Variants in ARHGAP26 observed in about 807,000 individuals in gnomAD.
ARHGAP26 encodes the protein Rho GTPase activating protein 26, also known as rho GTPase-activating protein 26.
A neutral mutation model predicts 104.8 loss-of-function variants in ARHGAP26; 38 were observed. That is an observed-to-expected ratio of 0.36 (90% CI 0.28 to 0.48). The LOEUF (loss-of-function observed/expected upper bound fraction) is 0.48, where lower values mean the gene tolerates loss of function less well. ARHGAP26 is among the 20% of genes least tolerant of loss of function. The pLI is 0.99. For synonymous variants in ARHGAP26, 341 were observed against 340.0 expected, an observed-to-expected ratio of 1.00 and a Z score of -0.03; for missense variants, 704 against 947.9, an observed-to-expected ratio of 0.74 and a Z score of 3.38.
chr5:142,775,218 C>T (rs1015064091), intron 1 of ARHGAP26, among the ~76,000 whole-genome samples: 1 of 152,060 alleles, frequency 6.6e-6, no homozygotes, highest in Non-Finnish European at 1.5e-5. Context: ...TGCATTCTCA[C>T]CAGCAATGAA....
intron 1 of ARHGAP26, among the ~76,000 whole-genome samples, chr5:142,826,823 C>CT (rs1260807591): frequency 5.3e-5 from 8 of 152,222 alleles, no homozygotes; most frequent in Non-Finnish European, 1.2e-4. Flanking sequence ...GACTTGAAAA[C>CT]TTTTAAATAC....
chr5:143,113,234 T>C lies in ARHGAP26; in HGVS notation c.1539-7754T>C, dbSNP rs143850414. On this transcript the variant is annotated intron_variant, in intron 17 of 22. Coordinates refer to ENST00000645722, the MANE Select transcript of ARHGAP26 (RefSeq NM_001135608.3). ...GTCTTTTTTTAAGACAAATCCTTTT[T>C]CCTTTTCTCTAAACAATTTTCAGTA... 1.8e-3 allele frequency among the ~76,000 whole-genome samples: 281 copies of C among 152,332 alleles called. 2 individuals are homozygous for C. Among genetic ancestry groups the C allele is most frequent in the Middle Eastern group, 6.8e-3 (2 of 294 alleles).
At chr5:143,012,423 A>G (rs920970525) in intron 11 of ARHGAP26, among the ~76,000 whole-genome samples, 3 of 148,642 alleles carry the variant, frequency 2.0e-5, no homozygotes, top group Admixed American at 6.9e-5. Flanking sequence ...TTAAGTGAAA[A>G]ATCCCTTTCT....
intron 11 of ARHGAP26, among the ~76,000 whole-genome samples, chr5:142,939,664 A>G (rs1292462143): frequency 6.6e-6 from 1 of 152,230 alleles, no homozygotes; most frequent in African/African-American, 2.4e-5. Context: ...GCAGAATGTT[A>G]TGGTGGTTAA....
At chr5:143,105,741 G>A (rs957114802) in intron 17 of ARHGAP26, among the ~76,000 whole-genome samples, 2 of 152,188 alleles carry the variant, frequency 1.3e-5, no homozygotes, top group Non-Finnish European at 2.9e-5. Context: ...ACCAAGGTTC[G>A]TGGCTGTAGG....
chr5:143,012,005 A>G (rs1778823019), intron 11 of ARHGAP26, among the ~76,000 whole-genome samples: 1 of 152,206 alleles, frequency 6.6e-6, no homozygotes, highest in Admixed American at 6.5e-5. Flanking sequence ...CATCGCCCAC[A>G]TTTTATAGAT....
At chr5:143,055,966 A>C (rs1469441274) in intron 15 of ARHGAP26, 62 bp from the exon 16 acceptor site, 12 of 1,198,408 alleles carry the variant, frequency 1.0e-5, no homozygotes, top group Non-Finnish European at 1.5e-5. Flanking sequence ...CTAGGCTGCT[A>C]TTTAGAGAGA....
intron 11 of ARHGAP26, among the ~76,000 whole-genome samples, chr5:142,985,144 T>C (rs1254004185): frequency 1.3e-5 from 2 of 151,992 alleles, no homozygotes; most frequent in Non-Finnish European, 2.9e-5. Flanking sequence ...CAAAAATAGC[T>C]TAAAAAGGAA....
chr5:143,179,797 C>T (rs1034523346), intron 20 of ARHGAP26, among the ~76,000 whole-genome samples: 3 of 152,060 alleles, frequency 2.0e-5, no homozygotes, highest in African/African-American at 7.2e-5. Context: ...TTTTTTCATC[C>T]CTACTCTTAA....
At chr5:142,841,168 G>C (rs921627577) in intron 1 of ARHGAP26, among the ~76,000 whole-genome samples, 1 of 151,994 alleles carries the variant, frequency 6.6e-6, no homozygotes, top group African/African-American at 2.4e-5. Flanking sequence ...GGGGGTCTGG[G>C]GATAAAACAG....
chr5:143,000,256 CCAG>C (rs1263199852), intron 11 of ARHGAP26, among the ~76,000 whole-genome samples: 1 of 152,200 alleles, frequency 6.6e-6, no homozygotes, highest in Non-Finnish European at 1.5e-5. Context: ...ACTGTAGAAT[CCAG>C]CAGTTCCACT....
At chr5:143,019,839 A>C (rs1007909398) in intron 12 of ARHGAP26, among the ~76,000 whole-genome samples, 3 of 152,240 alleles carry the variant, frequency 2.0e-5, no homozygotes, top group Non-Finnish European at 4.4e-5. Flanking sequence ...GAAGTCTGAC[A>C]GATTGAGGCA....
intron 1 of ARHGAP26, among the ~76,000 whole-genome samples, chr5:142,813,776 C>G (rs1262908102): frequency 6.6e-6 from 1 of 152,158 alleles, no homozygotes; most frequent in African/African-American, 2.4e-5. Flanking sequence ...ACTCTATTTC[C>G]AAATACAGTC....
At chr5:142,920,614 G>A (rs917879440) in intron 10 of ARHGAP26, among the ~76,000 whole-genome samples, 1 of 152,212 alleles carries the variant, frequency 6.6e-6, no homozygotes, top group Non-Finnish European at 1.5e-5. Context: ...CCATACATTT[G>A]AAAATGCTGT....
chr5:142,932,194 G>A, intron 11 of ARHGAP26, 69 bp downstream of exon 11: 1 of 1,445,676 alleles, frequency 6.9e-7, no homozygotes, highest in Non-Finnish European at 9.7e-7. Context: ...CCCTAGTGCA[G>A]TGATTTTTGC....
intron 11 of ARHGAP26, among the ~76,000 whole-genome samples, chr5:142,964,643 A>G (rs1032566567): frequency 2.0e-5 from 3 of 152,174 alleles, no homozygotes. Flanking sequence ...AATATCAAGT[A>G]GAGACTTCTT....
intron 20 of ARHGAP26, among the ~76,000 whole-genome samples, chr5:143,179,081 G>T (rs1386328058): frequency 6.6e-6 from 1 of 152,124 alleles, no homozygotes; most frequent in Non-Finnish European, 1.5e-5. Context: ...TGTTGGCCAG[G>T]CTGCTCTTGA....
rs12519015 is a variant in ARHGAP26 at position 143,123,344 on chromosome 5, G to A, written c.1698+2197G>A. ...TCACTGTAGCTTCAGGCCTAGCCTG[G>A]TATGAAGTAAGGAGATGCTCCCTCA... On this transcript the variant is annotated intron_variant, in intron 18 of 22. Transcript: ENST00000645722. 4.1e-3 allele frequency among the ~76,000 whole-genome samples: 630 copies of A among 152,360 alleles called. 19 individuals are homozygous for A. Among genetic ancestry groups the A allele is most frequent in the Admixed American group, 0.037 (573 of 15,302 alleles).
At chr5:143,078,019 A>G (rs1479443820) in intron 17 of ARHGAP26, among the ~76,000 whole-genome samples, 1 of 152,038 alleles carries the variant, frequency 6.6e-6, no homozygotes, top group Admixed American at 6.6e-5. Flanking sequence ...ATATTCTACC[A>G]CCATTGAAAT....
Sources: gnomAD v4.1 joint callset for allele counts (sites outside exome capture counted in the v4.1 genomes callset) on GRCh38, gnomAD v4.1.1 for gene constraint, MANE v1.5 for transcripts, NCBI Gene and HGNC (gene_info 2026-07-23, HGNC 2026-07-21) for gene names.